Variants in ARHGEF10L observed in about 807,000 individuals in gnomAD.
ARHGEF10L encodes the protein Rho guanine nucleotide exchange factor 10 like.
A neutral mutation model predicts 141.2 loss-of-function variants in ARHGEF10L; 69 were observed. The ratio of observed to expected loss-of-function variants is 0.49; its 90% CI spans 0.40 to 0.60. The LOEUF (loss-of-function observed/expected upper bound fraction) is 0.60, where lower values mean the gene tolerates loss of function less well. Among genes scored for constraint, ARHGEF10L ranks in the 20% least tolerant of loss-of-function variants. The probability of loss-of-function intolerance (pLI) is 0.00; values close to 1 mark genes in which losing one functional copy is unlikely to be tolerated. For synonymous variants in ARHGEF10L, 711 were observed against 718.5 expected (o/e 0.99, Z 0.17); for missense variants, 1,482 against 1,734.3 (o/e 0.85, Z 2.58).
At chr1:17,687,500 A>C (rs1569730865) in intron 26 of ARHGEF10L, 73 bp from the exon 27 acceptor site, 13 of 1,541,176 alleles carry the variant, frequency 8.4e-6, no homozygotes, top group East Asian at 2.3e-5. Context: ...TGGCTGGCCC[A>C]GGGGTGGGGG....
rs1390764509 is a variant in ARHGEF10L at position 17,583,201 on chromosome 1, T to TA, written c.37+2569_37+2570insA. Among the ~76,000 whole-genome samples the TA allele has an allele frequency of 8.0e-3, 548 of 68,912 alleles. 18 individuals carry two copies. The East Asian group carries it at 0.12, about 15-fold the overall frequency. 45.2% of individuals were successfully genotyped at this position (68,912 alleles called of 152,430 possible). On this transcript the variant is annotated intron_variant, in intron 2 of 28. Coordinates refer to ENST00000361221, the MANE Select transcript of ARHGEF10L (RefSeq NM_018125.4). ...GCCTGGGTGACAGAGTGAGCTTCAT[T>TA]TAAAAAAAAAAAAAAAAAAAAAGAA...
Position 17,656,718 on chromosome 1 carries a change from G to T in ARHGEF10L, c.2860+10G>T. The stretch of plus-strand genomic sequence containing the variant: ...TACCCTCGGACCAGCGGTGAGGACT[G>T]GGGGGAATGGGGGAAGGGGGGCAGT... On this transcript the variant is annotated intron_variant, in intron 25 of 28. Transcript: ENST00000361221. This position sits in a 1 kb window ranked among gnomAD's most constrained non-coding sequence, Gnocchi z 4.9. The T allele has an allele frequency of 6.2e-7, 1 of 1,605,902 alleles. No individual in the cohort carries two copies.
At position 17,655,950 on chromosome 1, in the gene ARHGEF10L, C is replaced by A; in HGVS notation, c.2553C>A (p.Thr851=). ...CCTTGAACCGGCCCTCGCCCCGCACCGTCAAGTCCTTCCCACTGGCAGCCC... is the reference window on the plus strand; with the variant it reads ...CCTTGAACCGGCCCTCGCCCCGCACAGTCAAGTCCTTCCCACTGGCAGCCC... The part of the protein sequence containing the change: ...IFSLNRPSPR[T]VKSFPLAAPV... The change falls in exon 24 of 29, where the codon ACC becomes ACA. Residue 851 remains threonine, a synonymous_variant. Coordinates refer to ENST00000361221, the MANE Select transcript of ARHGEF10L (RefSeq NM_018125.4). The A allele has an allele frequency of 6.4e-7, 1 of 1,561,254 alleles. No individual in the cohort carries two copies. The highest frequency in any genetic ancestry group is 8.7e-7 in the Non-Finnish European group (1 of 1,152,126).
chr1:17,599,612 C>T (rs572963430), intron 4 of ARHGEF10L, among the ~76,000 whole-genome samples: 79 of 152,240 alleles, frequency 5.2e-4, no homozygotes, highest in Non-Finnish European at 9.4e-4. Flanking sequence ...TGTTAGAAAT[C>T]GGGGTTCAGG....
rs1361488040 is a variant in ARHGEF10L at position 17,619,677 on chromosome 1, C to A, written c.942+232C>A. 6.6e-6 allele frequency among the ~76,000 whole-genome samples: 1 copy of A among 152,112 alleles called. No individual in the cohort carries two copies. Among genetic ancestry groups the A allele is most frequent in the Non-Finnish European group, 1.5e-5 (1 of 68,014 alleles). On this transcript the variant is annotated intron_variant, in intron 10 of 28. Coordinates refer to ENST00000361221, the MANE Select transcript of ARHGEF10L (RefSeq NM_018125.4). This position sits in a 1 kb window ranked among gnomAD's most constrained non-coding sequence, Gnocchi z 5.0. ...TGCTGTTGGTTTTGGGGGGTGGGCT[C>A]CCGGCATCTAGAACGCTTGCGTCCC... is the stretch of plus-strand genomic sequence containing the variant.
chr1:17,528,373 C>G, the ARHGEF10L span, among the ~76,000 whole-genome samples: 4 of 152,038 alleles, frequency 2.6e-5, no homozygotes, highest in African/African-American at 4.8e-5. Flanking sequence ...CACCACTATG[C>G]CTGTATAATT....
chr1:17,622,942 G>A (rs947278104), intron 11 of ARHGEF10L, 54 bp from the exon 12 acceptor site: 3 of 1,563,524 alleles, frequency 1.9e-6, no homozygotes, highest in Admixed American at 1.8e-5. Context: ...ATGAGGGCAG[G>A]TAGGGAGAGA....
chr1:17,696,241 T>C (rs1305552473), intron 28 of ARHGEF10L, among the ~76,000 whole-genome samples: 1 of 147,992 alleles, frequency 6.8e-6, no homozygotes, highest in Admixed American at 6.7e-5. Context: ...TGCTTCTAAA[T>C]TCTGAGATTT....
At chr1:17,696,615 A>G (rs1272384772) in intron 28 of ARHGEF10L, among the ~76,000 whole-genome samples, 1 of 152,154 alleles carries the variant, frequency 6.6e-6, no homozygotes, top group Non-Finnish European at 1.5e-5. Context: ...TTGGAATTTC[A>G]CACTGAGGCT....
chr1:17,588,617 GTGCCC>G, intron 4 of ARHGEF10L, 138 bp downstream of exon 4: 2 of 1,047,948 alleles, frequency 1.9e-6, no homozygotes, highest in Non-Finnish European at 2.8e-6. Context: ...CTGAGGCCCT[GTGCCC>G]TGGGGGAAGA....
chr1:17,685,166 C>T (rs1449883432), intron 26 of ARHGEF10L, among the ~76,000 whole-genome samples: 2 of 152,188 alleles, frequency 1.3e-5, no homozygotes, highest in Admixed American at 6.5e-5. Flanking sequence ...GCGAGGTCTT[C>T]GGGGGCTGGA....
chr1:17,514,125 CTTTTTTTTTTT>C, the ARHGEF10L span, among the ~76,000 whole-genome samples: 25 of 40,480 alleles, frequency 6.2e-4, 2 homozygotes, highest in East Asian at 7.0e-3. Context: ...CACCCAGCCT[CTTTTTTTTTTT>C]TTTTTTTTTT....
chr1:17,681,109 A>T (rs994205899), intron 26 of ARHGEF10L, among the ~76,000 whole-genome samples: 1 of 152,222 alleles, frequency 6.6e-6, no homozygotes, highest in African/African-American at 2.4e-5. Flanking sequence ...TTCAAACTAC[A>T]GGAAAGGTGA....
chr1:17,597,138 C>G (rs1042261661), intron 4 of ARHGEF10L, among the ~76,000 whole-genome samples: 5 of 152,162 alleles, frequency 3.3e-5, no homozygotes, highest in Admixed American at 6.5e-5. Flanking sequence ...CTTTTCCTCC[C>G]CATCTCCTGC....
intron 1 of ARHGEF10L, among the ~76,000 whole-genome samples, chr1:17,563,384 A>C (rs2077623628): frequency 6.6e-6 from 1 of 151,996 alleles, no homozygotes; most frequent in Non-Finnish European, 1.5e-5. Flanking sequence ...ACAGGCGTGT[A>C]CCACCATGCC....
chr1:17,525,192 G>A, the ARHGEF10L span, among the ~76,000 whole-genome samples: 1 of 152,326 alleles, frequency 6.6e-6, no homozygotes, highest in South Asian at 2.1e-4. Flanking sequence ...AGGGAGGAGA[G>A]GGAGGGAGCC....
At chr1:17,569,445 T>G (rs1169367353) in intron 1 of ARHGEF10L, among the ~76,000 whole-genome samples, 1 of 152,222 alleles carries the variant, frequency 6.6e-6, no homozygotes, top group Non-Finnish European at 1.5e-5. Flanking sequence ...AGACCTCAGA[T>G]GCTGCTGGCC....
At chr1:17,683,531 C>G (rs1469822618) in intron 26 of ARHGEF10L, among the ~76,000 whole-genome samples, 1 of 152,212 alleles carries the variant, frequency 6.6e-6, no homozygotes, top group Non-Finnish European at 1.5e-5. Context: ...TACTCCCTGC[C>G]CTGTGGGCCC....
chr1:17,590,512 C>A (rs1223173451), intron 4 of ARHGEF10L, among the ~76,000 whole-genome samples: 3 of 152,168 alleles, frequency 2.0e-5, no homozygotes, highest in African/African-American at 7.2e-5. Context: ...GTCTCTCCAC[C>A]AGCAGTTGCC....
Sources: allele counts gnomAD v4.1 joint callset (sites outside exome capture counted in the v4.1 genomes callset), GRCh38; gene constraint gnomAD v4.1.1; non-coding constraint Gnocchi (gnomAD v3.1); transcripts MANE v1.5; gene names NCBI Gene and HGNC (gene_info 2026-07-23, HGNC 2026-07-21).